The following MGST1 variants were observed in gnomAD, a reference collection of about 807,000 sequenced individuals.
The protein encoded by MGST1 is microsomal glutathione S-transferase 1.
A neutral mutation model predicts 8.9 loss-of-function variants in MGST1; 5 were observed. The observed-to-expected ratio is 0.56, with a 90% confidence interval of 0.29 to 1.19. The LOEUF is 1.19. MGST1 is among the 50% of genes most tolerant of loss of function. The probability of loss-of-function intolerance (pLI) is 0.08; values close to 1 mark genes in which losing one functional copy is unlikely to be tolerated. For missense variants in MGST1, 182 were observed against 187.4 expected, an observed-to-expected ratio of 0.97 and a Z score of 0.17; for synonymous variants, 54 against 67.8, an observed-to-expected ratio of 0.80 and a Z score of 1.00.
At chr12:16,436,200 C>A (rs570153821) in intron 1 of MGST1, among the ~76,000 whole-genome samples, 99 of 151,874 alleles carry the variant, frequency 6.5e-4, no homozygotes, top group South Asian at 5.4e-3. Context: ...AAATGATGAC[C>A]AATAAGGAGA....
chr12:16,448,432 AG>A (rs1055411105), intron 4 of MGST1, among the ~76,000 whole-genome samples: 1 of 151,818 alleles, frequency 6.6e-6, no homozygotes, highest in African/African-American at 2.4e-5. Context: ...AAGCAAGGGC[AG>A]GCTTAAGACT....
At chr12:16,369,308 A>G (rs1174090190), downstream of MGST1, among the ~76,000 whole-genome samples, 3 of 152,142 alleles carry the variant, frequency 2.0e-5, no homozygotes, top group Non-Finnish European at 4.4e-5. The surrounding 1 kb of genome is among the most constrained non-coding windows in gnomAD (Gnocchi z 4.8). Context: ...AAGTCATCCT[A>G]TGACTCAGTG....
At chr12:16,451,664 T>C (rs1235237918) in intron 4 of MGST1, among the ~76,000 whole-genome samples, 4 of 151,920 alleles carry the variant, frequency 2.6e-5, no homozygotes, top group Non-Finnish European at 4.4e-5. Flanking sequence ...CTATATTTTT[T>C]TAAGAGCATC....
chr12:16,508,066 G>GATC (rs1370556071), intron 4 of MGST1, among the ~76,000 whole-genome samples: 2 of 152,104 alleles, frequency 1.3e-5, no homozygotes, highest in East Asian at 3.9e-4. Context: ...AGGAAGAAGG[G>GATC]ATCTCTTTAT....
intron 4 of MGST1, among the ~76,000 whole-genome samples, chr12:16,471,725 A>G (rs1335127770): frequency 6.6e-6 from 1 of 152,202 alleles, no homozygotes; most frequent in Non-Finnish European, 1.5e-5. Context: ...TTGATAGTAG[A>G]AGAAAAATTC....
intron 3 of MGST1, among the ~76,000 whole-genome samples, chr12:16,360,980 T>TGC (rs575833407): frequency 4.9e-5 from 7 of 144,236 alleles, no homozygotes; most frequent in African/African-American, 5.1e-5. Flanking sequence ...TTTATAGTGT[T>TGC]CCCCCCCTCC....
intron 4 of MGST1, among the ~76,000 whole-genome samples, chr12:16,445,902 A>G (rs1343118845): frequency 6.6e-6 from 1 of 151,954 alleles, no homozygotes; most frequent in Non-Finnish European, 1.5e-5. Flanking sequence ...CTAACTTGGC[A>G]TGGGTATTAG....
At chr12:16,499,775 A>G (rs1941493508) in intron 4 of MGST1, among the ~76,000 whole-genome samples, 1 of 152,078 alleles carries the variant, frequency 6.6e-6, no homozygotes, top group Non-Finnish European at 1.5e-5. Context: ...GATTATGTGT[A>G]GAGATCTGAC....
chr12:16,590,439 A>G (rs1264827094), downstream of MGST1, among the ~76,000 whole-genome samples: 1 of 152,072 alleles, frequency 6.6e-6, no homozygotes, highest in East Asian at 1.9e-4. Flanking sequence ...ATTATTTTAC[A>G]TGTTTTGTAA....
chr12:16,485,501 G>A (rs1941394210), intron 4 of MGST1, among the ~76,000 whole-genome samples: 1 of 152,042 alleles, frequency 6.6e-6, no homozygotes, highest in South Asian at 2.1e-4. Context: ...ATCCATTTTG[G>A]ATTCATTACT....
chr12:16,479,715 TGTAGA>T (rs1440830464), intron 4 of MGST1, among the ~76,000 whole-genome samples: 1 of 151,902 alleles, frequency 6.6e-6, no homozygotes, highest in Non-Finnish European at 1.5e-5. Context: ...TAAAATTTTT[TGTAGA>T]GATGAAGGTC....
intron 1 of MGST1, among the ~76,000 whole-genome samples, chr12:16,425,008 A>G (rs1314494354): frequency 6.6e-6 from 1 of 152,222 alleles, no homozygotes; most frequent in Non-Finnish European, 1.5e-5. Flanking sequence ...AAGGAAAAAA[A>G]TGTGTTTTAC....
chr12:16,527,709 GAATAAT>G (rs1037033314), intron 4 of MGST1, among the ~76,000 whole-genome samples: 32 of 151,966 alleles, frequency 2.1e-4, no homozygotes, highest in African/African-American at 6.8e-4. Context: ...ACATCATGGG[GAATAAT>G]AATAATAAGT....
At chr12:16,475,764 A>C (rs1203645557) in intron 4 of MGST1, among the ~76,000 whole-genome samples, 1 of 152,122 alleles carries the variant, frequency 6.6e-6, no homozygotes, top group Non-Finnish European at 1.5e-5. Context: ...GTATTTTAGA[A>C]GTGTCCCTGT....
At chr12:16,377,594 T>C (rs2137034609), downstream of MGST1, among the ~76,000 whole-genome samples, 1 of 152,216 alleles carries the variant, frequency 6.6e-6, no homozygotes, top group East Asian at 1.9e-4. Flanking sequence ...TGAATAGTGC[T>C]GCTATATACA....
chr12:16,529,832 A>C (rs1317711250), intron 4 of MGST1, among the ~76,000 whole-genome samples: 1 of 152,074 alleles, frequency 6.6e-6, no homozygotes, highest in African/African-American at 2.4e-5. Flanking sequence ...TGAAATCAAA[A>C]CTCAAAGTGT....
chr12:16,468,282 A>G (rs996714403), intron 4 of MGST1, among the ~76,000 whole-genome samples: 7 of 152,214 alleles, frequency 4.6e-5, no homozygotes, highest in East Asian at 3.8e-4. Flanking sequence ...CTGTTTGTCA[A>G]TTACATATCT....
In MGST1 at chr12:16,359,099, G is replaced by T. The variant is rs570972891; in HGVS notation, c.221+1400G>T. ...ACTAAAAAAAATGTGGCTAAAAATA[G>T]ACTTGAGTAAGTGGAAGTGCAGAGG... On this transcript the variant is annotated intron_variant, in intron 3 of 3. Transcript: ENST00000396210. 9.7e-4 allele frequency among the ~76,000 whole-genome samples: 148 copies of T among 152,208 alleles called. 1 individual carries two copies. The highest frequency in any genetic ancestry group is 3.2e-3 in the African/African-American group (134 of 41,522).
chr12:16,351,654 A>G (rs1357713735), intron 1 of MGST1, among the ~76,000 whole-genome samples: 2 of 152,108 alleles, frequency 1.3e-5, no homozygotes, highest in African/African-American at 4.8e-5. Flanking sequence ...TACTAAAAAT[A>G]CAAAAATTAG....
Sources: allele counts gnomAD v4.1 joint callset (sites outside exome capture counted in the v4.1 genomes callset), GRCh38; gene constraint gnomAD v4.1.1; non-coding constraint Gnocchi (gnomAD v3.1); transcripts MANE v1.5; gene names NCBI Gene and HGNC (gene_info 2026-07-23, HGNC 2026-07-21).